Variants in ASPH observed in about 807,000 individuals in gnomAD.
ASPH encodes the protein aspartate beta-hydroxylase.
In ASPH, 100 loss-of-function variants were observed where a neutral mutation model predicts 118.4. That is an observed-to-expected ratio of 0.84 (90% confidence interval 0.72 to 1.00). ASPH has a LOEUF of 1.00. Among genes scored for constraint, ASPH ranks in the 50% least tolerant of loss-of-function variants. ASPH has a pLI of 0.00. For synonymous variants in ASPH, 315 were observed against 325.6 expected (o/e 0.97, Z 0.35); for missense variants, 920 against 919.5 (o/e 1.00, Z -0.01).
At chr8:61,709,976 T>A (rs1244988736) in intron 1 of ASPH, among the ~76,000 whole-genome samples, 1 of 152,044 alleles carries the variant, frequency 6.6e-6, no homozygotes, top group East Asian at 1.9e-4. Flanking sequence ...CTATGGAACA[T>A]GAAAATAAAT....
chr8:61,521,252 G>A (rs1381259850), intron 22 of ASPH, among the ~76,000 whole-genome samples: 2 of 152,194 alleles, frequency 1.3e-5, no homozygotes, highest in Non-Finnish European at 2.9e-5. Flanking sequence ...TGGACCCAGT[G>A]TTCATGCTCT....
intron 13 of ASPH, among the ~76,000 whole-genome samples, chr8:61,623,352 T>C (rs941862164): frequency 6.6e-6 from 1 of 152,234 alleles, no homozygotes; most frequent in African/African-American, 2.4e-5. Context: ...ATGTCTTCTT[T>C]TGAGAATTCA....
intron 14 of ASPH, among the ~76,000 whole-genome samples, chr8:61,617,752 T>C (rs1849510123): frequency 6.6e-6 from 1 of 151,646 alleles, no homozygotes; most frequent in Non-Finnish European, 1.5e-5. Flanking sequence ...GCCAACATGG[T>C]GAAACCCTGT....
intron 2 of ASPH, chr8:61,683,714 A>G (rs749743702): frequency 2.5e-4 from 46 of 180,698 alleles, no homozygotes; most frequent in Non-Finnish European, 4.2e-4. Context: ...AGTATTTTTA[A>G]AATTTATAAT....
intron 24 of ASPH, among the ~76,000 whole-genome samples, chr8:61,516,474 T>C (rs17200623): frequency 0.089 from 13,478 of 152,098 alleles, 681 homozygotes; most frequent in Non-Finnish European, 0.12. Context: ...AATAATCAAA[T>C]AGACAATTCT....
intron 21 of ASPH, among the ~76,000 whole-genome samples, chr8:61,535,961 T>G (rs1446645900): frequency 6.6e-6 from 1 of 151,992 alleles, no homozygotes; most frequent in African/African-American, 2.4e-5. Flanking sequence ...GTGTAATCTC[T>G]CACTGGTCCT....
chr8:61,551,876 A>G (rs1826142978), intron 20 of ASPH, among the ~76,000 whole-genome samples: 1 of 152,164 alleles, frequency 6.6e-6, no homozygotes, highest in African/African-American at 2.4e-5. Flanking sequence ...CTTTCTCTTT[A>G]ATTCTAATAT....
At chr8:61,629,048 T>G (rs534506211) in intron 13 of ASPH, among the ~76,000 whole-genome samples, 4 of 152,220 alleles carry the variant, frequency 2.6e-5, no homozygotes, top group Non-Finnish European at 5.9e-5. Flanking sequence ...AAATGCTGGG[T>G]AATGGGGAGG....
chr8:61,704,870 G>A (rs182632925), intron 1 of ASPH, among the ~76,000 whole-genome samples: 1 of 152,274 alleles, frequency 6.6e-6, no homozygotes, highest in Admixed American at 6.5e-5. Flanking sequence ...CATGGTTAGT[G>A]GGAGTATAAA....
chr8:61,627,620 A>C (rs759792626), intron 13 of ASPH, among the ~76,000 whole-genome samples: 3 of 152,176 alleles, frequency 2.0e-5, no homozygotes, highest in Admixed American at 6.5e-5. Flanking sequence ...GGCATTCAAC[A>C]ATTTTCTGGA....
intron 5 of ASPH, among the ~76,000 whole-genome samples, chr8:61,648,031 T>C (rs145095608): frequency 3.4e-4 from 52 of 152,136 alleles, no homozygotes; most frequent in Admixed American, 7.9e-4. Flanking sequence ...TTAGGACGAG[T>C]ATGGGGTCCG....
At chr8:61,615,466 A>C (rs1203418655) in intron 14 of ASPH, among the ~76,000 whole-genome samples, 1 of 152,144 alleles carries the variant, frequency 6.6e-6, no homozygotes, top group Non-Finnish European at 1.5e-5. Context: ...TCCCCTATAC[A>C]CACTAAAAAG....
At chr8:61,536,967 G>A (rs763498277) in intron 21 of ASPH, among the ~76,000 whole-genome samples, 3 of 152,222 alleles carry the variant, frequency 2.0e-5, no homozygotes, top group Non-Finnish European at 4.4e-5. Flanking sequence ...GGGGTGACAG[G>A]AGAGTCTTGG....
rs1804724419 is a variant in ASPH, at chr8:61,500,767, T to C, written c.*2592A>G. 6.6e-6 allele frequency: 1 copy of C among 152,222 alleles called. No homozygotes were observed. The highest frequency in any genetic ancestry group is 1.5e-5 in the Non-Finnish European group (1 of 68,046). The allele number at this position is 152,222 out of a possible 1,614,324, so 9.4% of individuals were successfully genotyped here. A position where few individuals can be genotyped will look rare whatever the true frequency, so the allele number is the denominator to read the frequency against. The stretch of plus-strand genomic sequence containing the variant: ...GGTATTTATTAGTATTACCAGTTGG[T>C]GCTCAAAGTCAAACAAAAATATTTT... On this transcript the variant is annotated 3_prime_UTR_variant, in exon 25 of 25. Transcript: ENST00000379454.
chr8:61,611,896 C>T (rs1029257683), intron 14 of ASPH, among the ~76,000 whole-genome samples: 1 of 152,094 alleles, frequency 6.6e-6, no homozygotes, highest in Non-Finnish European at 1.5e-5. Flanking sequence ...TAACTGTCTA[C>T]CACACACCAA....
At chr8:61,542,795 C>A (rs1442573306) in intron 21 of ASPH, among the ~76,000 whole-genome samples, 1 of 151,972 alleles carries the variant, frequency 6.6e-6, no homozygotes, top group African/African-American at 2.4e-5. Flanking sequence ...TATTGGCTAG[C>A]ATTAACTTCT....
Position 61,553,687 on chromosome 8 carries a change from T to TC in ASPH, c.1537-568dup, listed in dbSNP as rs536387899. On this transcript the variant is annotated intron_variant, in intron 19 of 24. Coordinates refer to ENST00000379454, the MANE Select transcript of ASPH (RefSeq NM_004318.4). Reference sequence around the variant, plus strand: ...TAATTTTTATTAAACAAATCCCTATTCTAAAACATTTACCTAATTCTCTGA... The same window carrying TC: ...TAATTTTTATTAAACAAATCCCTATTCCTAAAACATTTACCTAATTCTCTGA... Among the ~76,000 whole-genome samples the TC allele has an allele frequency of 1.4e-4, 21 of 152,292 alleles. No homozygotes were observed. In the South Asian group the frequency reaches 3.1e-3, roughly 23 times the overall value.
intron 10 of ASPH, among the ~76,000 whole-genome samples, chr8:61,638,778 C>T (rs868192858): frequency 1.1e-4 from 17 of 152,096 alleles, no homozygotes; most frequent in Non-Finnish European, 2.2e-4. Context: ...TGAAGCGTTC[C>T]CCACCCTAAT....
chr8:61,642,587 C>T (rs933840737), intron 10 of ASPH, among the ~76,000 whole-genome samples: 9 of 152,116 alleles, frequency 5.9e-5, no homozygotes, highest in Admixed American at 2.6e-4. Flanking sequence ...ATTTGCAGGC[C>T]GGGCGCAGTG....
Sources: gnomAD v4.1 joint callset for allele counts (sites outside exome capture counted in the v4.1 genomes callset) on GRCh38, gnomAD v4.1.1 for gene constraint, MANE v1.5 for transcripts, NCBI Gene and HGNC (gene_info 2026-07-23, HGNC 2026-07-21) for gene names.